The following SARM1 variants were observed in gnomAD, a reference collection of about 807,000 sequenced individuals.
SARM1 encodes the protein NAD(+) hydrolase SARM1.
Under a neutral mutation model 65.1 loss-of-function variants are expected in SARM1, and 60 were observed. The observed-to-expected ratio is 0.92, with a 90% CI of 0.75 to 1.14. The LOEUF (loss-of-function observed/expected upper bound fraction) is 1.14. Among genes scored for constraint, SARM1 ranks in the 50% most tolerant of loss-of-function variants. The pLI is 0.00. For missense variants in SARM1, 913 were observed against 1,015.7 expected (o/e 0.90, Z 1.37); for synonymous variants, 417 against 465.4 (o/e 0.90, Z 1.34).
At position 28,388,251 on chromosome 17, in the gene SARM1, C is replaced by T. The variant is rs1555586346; in HGVS notation, c.1708C>T (p.Arg570Trp). The T allele has an allele frequency of 3.9e-6, 6 of 1,553,466 alleles. No individual in the cohort carries two copies. The highest frequency in any genetic ancestry group is 5.2e-6 in the Non-Finnish European group (6 of 1,148,764). The change falls in exon 6 of 9, where the codon CGG becomes TGG. Residue 570 changes from arginine (R) to tryptophan (W), a missense_variant. By Grantham distance (101) the Arg-to-Trp change is moderately radical. This residue lies in a region of SARM1 where 862 missense variants were observed against 952.1 expected (regional missense o/e 0.91). Transcript: ENST00000585482. ...DTPDVFISYR[R>W]NSGSQLASLL... ...TCCAGATGTCTTCATCAGCTACCGC[C>T]GGAACTCAGGTTCCCAGCTGGCCAG... is the stretch of plus-strand genomic sequence containing the variant.
chr17:28,391,597 A>G (rs1189635938), intron 7 of SARM1, among the ~76,000 whole-genome samples: 1 of 151,868 alleles, frequency 6.6e-6, no homozygotes, highest in African/African-American at 2.4e-5. Flanking sequence ...TTTTGAGAGA[A>G]AGAAAAGAGT....
Position 28,400,813 on chromosome 17 carries a change from T to G in SARM1, c.*4527T>G, listed in dbSNP as rs1233677906. ...ACTCTGGAGTCCGAAAGGGCCATAT[T>G]CCAACTCTGGCACCACCACCTCACA... On this transcript the variant is annotated 3_prime_UTR_variant, in exon 9 of 9. Coordinates refer to ENST00000585482, the MANE Select transcript of SARM1 (RefSeq NM_015077.4). 6.5e-6 allele frequency: 10 copies of G among 1,529,018 alleles called. No homozygotes were observed. The highest frequency in any genetic ancestry group is 4.1e-5 in the African/African-American group (3 of 72,574). The allele number at this position is 1,529,018 out of a possible 1,614,324, so 94.7% of individuals were successfully genotyped here.
Position 28,384,302 on chromosome 17 carries a change from G to A in SARM1, c.1090-55G>A. On this transcript the variant is annotated intron_variant, in intron 2 of 8. Transcript: ENST00000585482. The surrounding 1 kb of genome is among the most constrained non-coding windows in gnomAD (Gnocchi z 4.4). Reference sequence around the variant, plus strand: ...ACAAGGAGAGGGACTGGGCACGTGTGGGAGCACCTGGAGAGCTGGTGGGAC... The same window carrying A: ...ACAAGGAGAGGGACTGGGCACGTGTAGGAGCACCTGGAGAGCTGGTGGGAC... 3 of 1,422,604 alleles carry A rather than the reference G, an allele frequency of 2.1e-6. No homozygotes were observed. Among genetic ancestry groups the A allele is most frequent in the Non-Finnish European group, 2.9e-6 (3 of 1,047,554 alleles). 88.1% of individuals were successfully genotyped at this position (1,422,604 alleles called of 1,614,324 possible).
At position 28,381,281 on chromosome 17, in the gene SARM1, C is replaced by T. The variant is rs71373645; in HGVS notation, c.549C>T (p.Ser183=). The T allele has an allele frequency of 4.4e-6, 7 of 1,607,732 alleles. No homozygotes were observed. The East Asian group carries it at 1.3e-4, about 31-fold the overall frequency. Residue 183 remains serine, a synonymous_variant, in exon 2 of 9, where the codon AGC becomes AGT. Transcript: ENST00000585482. ...KEREPVELAR[S]VAGILEHMFK... is the part of the protein sequence containing the mutation. ...GCGAACCCGTAGAGCTGGCGCGGAG[C>T]GTGGCAGGCATCTTGGAGCACATGT... is the stretch of plus-strand genomic sequence containing the variant.
chr17:28,387,291 G>A (rs780028888), intron 5 of SARM1, among the ~76,000 whole-genome samples: 133 of 150,838 alleles, frequency 8.8e-4, no homozygotes, highest in Non-Finnish European at 1.6e-3. Context: ...AGAGTGCGGT[G>A]GTGCATTCTT....
intron 1 of SARM1, among the ~76,000 whole-genome samples, chr17:28,374,877 G>A (rs2067979919): frequency 6.6e-6 from 1 of 151,246 alleles, no homozygotes; most frequent in Non-Finnish European, 1.5e-5. Context: ...GGAGGCTGAG[G>A]TGGGAGGATG....
chr17:28,387,600 C>G (rs1378637026), intron 5 of SARM1, among the ~76,000 whole-genome samples: 1 of 152,112 alleles, frequency 6.6e-6, no homozygotes, highest in African/African-American at 2.4e-5. Flanking sequence ...GGGAAGGGCC[C>G]GGAGGCTGGA....
At position 28,402,851 on chromosome 17, in the gene SARM1, T is replaced by G. The variant is rs2068213225; in HGVS notation, c.*6565T>G. 1 of 152,778 alleles carries G rather than the reference T, an allele frequency of 6.5e-6. No individual in the cohort carries two copies. Among genetic ancestry groups the G allele is most frequent in the Non-Finnish European group, 1.5e-5 (1 of 68,384 alleles). 9.5% of individuals were successfully genotyped at this position (152,778 alleles called of 1,614,324 possible). On this transcript the variant is annotated 3_prime_UTR_variant, in exon 9 of 9. Coordinates refer to ENST00000585482, the MANE Select transcript of SARM1 (RefSeq NM_015077.4). ...CCTGGAACCTGTAAATACTACCTTA[T>G]TTGGAAAATGAGTCTATGCAGGTGT...
chr17:28,392,173 T>A (rs1485547346), intron 7 of SARM1, among the ~76,000 whole-genome samples: 1 of 151,538 alleles, frequency 6.6e-6, no homozygotes, highest in Admixed American at 6.6e-5. Context: ...AGTGGTGAGA[T>A]CTTGGTCGGC....
chr17:28,376,000 G>A (rs185724915), intron 1 of SARM1, among the ~76,000 whole-genome samples: 138 of 152,132 alleles, frequency 9.1e-4, no homozygotes, highest in Non-Finnish European at 4.7e-4. Context: ...TTTGGAGCTG[G>A]GATTTGAATC....
chr17:28,382,426 G>A (rs2269741), intron 2 of SARM1, among the ~76,000 whole-genome samples: 18,145 of 151,984 alleles, frequency 0.12, 1,295 homozygotes, highest in East Asian at 0.23. Flanking sequence ...GTAGCCTTTT[G>A]AGTCTGGAGT....
chr17:28,386,184 A>AGTCCC (rs2068049599), intron 5 of SARM1, among the ~76,000 whole-genome samples: 1 of 152,198 alleles, frequency 6.6e-6, no homozygotes, highest in Admixed American at 6.5e-5. Flanking sequence ...GCATACCTGT[A>AGTCCC]GTCCCAGCTA....
Position 28,385,292 on chromosome 17 carries a change from G to C in SARM1, c.1630+17G>C. 1 of 1,502,840 alleles carries C rather than the reference G, an allele frequency of 6.7e-7. No homozygotes were observed. The highest frequency in any genetic ancestry group is 8.9e-7 in the Non-Finnish European group (1 of 1,127,212). The allele number at this position is 1,502,840 out of a possible 1,614,324, so 93.1% of individuals were successfully genotyped here. ...CGGCCAGAGGTCAGCCCGCTCACCC[G>C]GGACCCCGCCCCAGCCCCAGCCCCA... On this transcript the variant is annotated intron_variant, in intron 5 of 8. Transcript: ENST00000585482. This position sits in a 1 kb window ranked among gnomAD's most constrained non-coding sequence, Gnocchi z 4.5.
Position 28,403,322 on chromosome 17 carries a change from C to T in SARM1, c.*7036C>T, listed in dbSNP as rs904572996. On this transcript the variant is annotated 3_prime_UTR_variant, in exon 9 of 9. Transcript: ENST00000585482. ...TGAAGAGCATGGCATAGGGACACAG[C>T]AAATGGGAGTTCCTTTTCCCTTTGC... 6.6e-6 allele frequency: 1 copy of T among 152,234 alleles called. No homozygotes were observed. Among genetic ancestry groups the T allele is most frequent in the Admixed American group, 6.5e-5 (1 of 15,286 alleles). The allele number at this position is 152,234 out of a possible 1,614,324, so 9.4% of individuals were successfully genotyped here.
intron 2 of SARM1, among the ~76,000 whole-genome samples, chr17:28,383,755 G>T (rs557238213): frequency 3.3e-5 from 5 of 152,236 alleles, no homozygotes; most frequent in Admixed American, 6.5e-5. Flanking sequence ...TCGTCAACCA[G>T]TGACAGTGGC....
In SARM1 at chr17:28,372,509, G is replaced by C. The variant is rs1407041357; in HGVS notation, c.470+7G>C. On this transcript the variant is annotated splice_region_variant and intron_variant, in intron 1 of 8. Transcript: ENST00000585482. The surrounding 1 kb of genome is among the most constrained non-coding windows in gnomAD (Gnocchi z 5.2). Reference sequence around the variant, plus strand: ...TCCTGGTGGCTGAGAACCGGTGAGCGCGCCAGGCCGGGGTTGGGAGAGCGC... The same window carrying C: ...TCCTGGTGGCTGAGAACCGGTGAGCCCGCCAGGCCGGGGTTGGGAGAGCGC... 1.3e-6 allele frequency: 2 copies of C among 1,522,344 alleles called. No homozygotes were observed. Among genetic ancestry groups the C allele is most frequent in the Admixed American group, 2.0e-5 (1 of 50,288 alleles). The allele number at this position is 1,522,344 out of a possible 1,614,324, so 94.3% of individuals were successfully genotyped here.
chr17:28,392,763 A>C (rs370701898), intron 7 of SARM1, among the ~76,000 whole-genome samples: 63 of 152,274 alleles, frequency 4.1e-4, no homozygotes, highest in African/African-American at 1.4e-3. Context: ...TTCTTTCCCC[A>C]GGAAGGCTCC....
At chr17:28,378,693 T>C (rs1278406492) in intron 1 of SARM1, among the ~76,000 whole-genome samples, 1 of 152,208 alleles carries the variant, frequency 6.6e-6, no homozygotes, top group African/African-American at 2.4e-5. Context: ...GGTCTTGCTC[T>C]GATGCCCAGG....
rs1049059724 is a variant in SARM1, at chr17:28,396,496, G to A, written c.*210G>A. ...GGGAAGGGAAGTCAGGCTTGGGCAC[G>A]GGAGGTTAGAACTCCCCCAGGCCCT... is the stretch of plus-strand genomic sequence containing the variant. On this transcript the variant is annotated 3_prime_UTR_variant, in exon 9 of 9. Coordinates refer to ENST00000585482, the MANE Select transcript of SARM1 (RefSeq NM_015077.4). The A allele has an allele frequency of 1.1e-5, 7 of 613,630 alleles. No homozygotes were observed. The highest frequency in any genetic ancestry group is 6.1e-5 in the South Asian group (3 of 49,246). The allele number at this position is 613,630 out of a possible 1,614,324, so 38.0% of individuals were successfully genotyped here.
Sources: gnomAD v4.1 joint callset for allele counts (sites outside exome capture counted in the v4.1 genomes callset) on GRCh38, gnomAD v4.1.1 for gene constraint, gnomAD v4.1.1 regional missense constraint, Gnocchi (gnomAD v3.1) non-coding constraint, MANE v1.5 for transcripts, NCBI Gene and HGNC (gene_info 2026-07-23, HGNC 2026-07-21) for gene names.